Variants in EIF4E3 observed in about 807,000 individuals in gnomAD.
EIF4E3 encodes eukaryotic translation initiation factor 4E type 3.
A neutral mutation model predicts 31.7 loss-of-function variants in EIF4E3; 26 were observed. That is an observed-to-expected ratio of 0.82 (90% CI 0.60 to 1.14). The LOEUF (loss-of-function observed/expected upper bound fraction) is 1.14, where lower values mean the gene tolerates loss of function less well. Ranked by LOEUF, EIF4E3 falls within the 50% of genes most tolerant of loss-of-function variation. The pLI, the probability that EIF4E3 is intolerant of heterozygous loss-of-function variation, is 0.00. For synonymous variants in EIF4E3, 128 were observed against 107.7 expected (o/e 1.19, Z -1.17); for missense variants, 304 against 270.9 (o/e 1.12, Z -0.86).
chr3:71,749,072 T>A (rs1371342453), intron 1 of EIF4E3, among the ~76,000 whole-genome samples: 1 of 152,260 alleles, frequency 6.6e-6, no homozygotes, highest in Non-Finnish European at 1.5e-5. Flanking sequence ...CAAATATGCA[T>A]AAGTGTAGTT....
downstream of EIF4E3, among the ~76,000 whole-genome samples, chr3:71,673,521 C>G (rs898570624): frequency 2.0e-5 from 3 of 151,986 alleles, no homozygotes; most frequent in Non-Finnish European, 4.4e-5. Flanking sequence ...AAAAAACACT[C>G]AGCTTTAGAA....
chr3:71,708,141 G>A (rs150690534), intron 2 of EIF4E3, among the ~76,000 whole-genome samples: 226 of 152,156 alleles, frequency 1.5e-3, no homozygotes, highest in African/African-American at 4.8e-3. Flanking sequence ...CCCAAAGTGC[G>A]GGGATTACAG....
chr3:71,742,224 G>C (rs1035459149), intron 1 of EIF4E3, among the ~76,000 whole-genome samples: 2 of 152,078 alleles, frequency 1.3e-5, no homozygotes, highest in Non-Finnish European at 2.9e-5. Flanking sequence ...CTGGTTATTT[G>C]AGACTGAAAA....
chr3:71,710,101 C>G, intron 2 of EIF4E3, among the ~76,000 whole-genome samples: 1 of 152,172 alleles, frequency 6.6e-6, no homozygotes. Flanking sequence ...AACAGGAACA[C>G]AGATAAAGAT....
Position 71,677,309 on chromosome 3 carries a change from C to T in EIF4E3, c.*7373G>A, listed in dbSNP as rs1183216188. 6.6e-6 allele frequency: 1 copy of T among 152,126 alleles called. No homozygotes were observed. The highest frequency in any genetic ancestry group is 2.1e-4 in the South Asian group (1 of 4,818). The allele number at this position is 152,126 out of a possible 1,614,324, so 9.4% of individuals were successfully genotyped here. On this transcript the variant is annotated 3_prime_UTR_variant, in exon 7 of 7. Transcript: ENST00000425534. ...TTTCTTCATGTAACAAAAGAACCAT[C>T]GTCTTGTAGGATTCCAGAGATTTTT...
At chr3:71,730,625 G>A (rs1201766677) in intron 1 of EIF4E3, among the ~76,000 whole-genome samples, 1 of 152,176 alleles carries the variant, frequency 6.6e-6, no homozygotes, top group Non-Finnish European at 1.5e-5. Context: ...AGGTTTGGTT[G>A]TCCCACTCTC....
At chr3:71,674,490 G>A (rs776939954), downstream of EIF4E3, among the ~76,000 whole-genome samples, 4 of 152,120 alleles carry the variant, frequency 2.6e-5, no homozygotes, top group Non-Finnish European at 5.9e-5. Context: ...GTTGGTTTGT[G>A]GCAAATCAAC....
intron 1 of EIF4E3, among the ~76,000 whole-genome samples, chr3:71,711,296 T>C (rs1234741005): frequency 2.0e-5 from 3 of 152,218 alleles, no homozygotes; most frequent in Non-Finnish European, 2.9e-5. Context: ...CTCAAAAATG[T>C]TGGGGTACAA....
chr3:71,688,412 A>G (rs982226876), intron 6 of EIF4E3, among the ~76,000 whole-genome samples: 3 of 152,220 alleles, frequency 2.0e-5, no homozygotes, highest in African/African-American at 7.2e-5. Context: ...ATTTTGCAGT[A>G]GAAGGAACCT....
In EIF4E3 at chr3:71,699,723, C is replaced by G. The variant is rs779765230; in HGVS notation, c.250-15G>C. On this transcript the variant is annotated splice_polypyrimidine_tract_variant and intron_variant, in intron 2 of 6. Transcript: ENST00000425534. ...CTCCAAAATATCTTTAAAAGAAAAA[C>G]AAACACTTTGTTTAATATACCCAGT... 47 of 1,601,810 alleles carry G rather than the reference C, an allele frequency of 2.9e-5. No homozygotes were observed. Among genetic ancestry groups the G allele is most frequent in the Non-Finnish European group, 3.4e-5 (40 of 1,171,448 alleles).
Position 71,751,652 on chromosome 3 carries a change from C to T in EIF4E3, c.-291+1811G>A, listed in dbSNP as rs1054220658. The stretch of plus-strand genomic sequence containing the variant: ...TTTCCTACCCTCCCTTGCTCAAGTG[C>T]TCACTCTCAATTGATAGCCAATGAT... On this transcript the variant is annotated intron_variant, in intron 1 of 7. Transcript: ENST00000295612. Among the ~76,000 whole-genome samples the T allele has an allele frequency of 2.0e-5, 3 of 152,320 alleles. No individual in the cohort carries two copies. The South Asian group carries it at 6.2e-4, about 32-fold the overall frequency.
At chr3:71,694,665 C>T (rs530428343) in intron 4 of EIF4E3, among the ~76,000 whole-genome samples, 2 of 152,302 alleles carry the variant, frequency 1.3e-5, no homozygotes, top group Non-Finnish European at 2.9e-5. Context: ...ATTTATCCTC[C>T]TTCCTGTGAT....
At chr3:71,674,884 G>C (rs764096445), downstream of EIF4E3, among the ~76,000 whole-genome samples, 1 of 152,194 alleles carries the variant, frequency 6.6e-6, no homozygotes, top group Non-Finnish European at 1.5e-5. Flanking sequence ...CAGATATGTT[G>C]AGGGACTTGC....
chr3:71,741,851 T>C (rs1030639718), intron 1 of EIF4E3, among the ~76,000 whole-genome samples: 1 of 152,150 alleles, frequency 6.6e-6, no homozygotes, highest in African/African-American at 2.4e-5. Context: ...TAGAAATCAA[T>C]AATAGCAAGA....
intron 6 of EIF4E3, among the ~76,000 whole-genome samples, chr3:71,685,662 C>T (rs892015842): frequency 5.9e-5 from 9 of 152,122 alleles, no homozygotes; most frequent in Admixed American, 3.3e-4. Flanking sequence ...CAGGCCCAGC[C>T]GGAACTCAGG....
chr3:71,713,189 C>T (rs1419598650), intron 1 of EIF4E3, among the ~76,000 whole-genome samples: 3 of 152,192 alleles, frequency 2.0e-5, no homozygotes, highest in African/African-American at 7.2e-5. Flanking sequence ...ATTTATGCAG[C>T]TGTCAATATT....
intron 1 of EIF4E3, among the ~76,000 whole-genome samples, chr3:71,721,169 A>G (rs530499282): frequency 2.0e-5 from 3 of 152,346 alleles, no homozygotes; most frequent in Non-Finnish European, 1.5e-5. Flanking sequence ...GCAAATGATT[A>G]GCAGAGTAAT....
chr3:71,677,408 A>T lies in EIF4E3; in HGVS notation c.*7274T>A, dbSNP rs2048882373. The T allele has an allele frequency of 6.6e-6, 1 of 152,216 alleles. No individual in the cohort carries two copies. The highest frequency in any genetic ancestry group is 2.4e-5 in the African/African-American group (1 of 41,452). The allele number at this position is 152,216 out of a possible 1,614,324, so 9.4% of individuals were successfully genotyped here. A position where few individuals can be genotyped will look rare whatever the true frequency, so the allele number is the denominator to read the frequency against. Reference sequence around the variant, plus strand: ...ACTGCAGCGAAAGGATCACTGAGGAAGAAAAGGCATGCATGGTCTTGGCTT... The same window carrying T: ...ACTGCAGCGAAAGGATCACTGAGGATGAAAAGGCATGCATGGTCTTGGCTT... On this transcript the variant is annotated 3_prime_UTR_variant, in exon 7 of 7. Transcript: ENST00000425534.
downstream of EIF4E3, among the ~76,000 whole-genome samples, chr3:71,670,993 G>A (rs1392503557): frequency 6.6e-6 from 1 of 152,066 alleles, no homozygotes; most frequent in Admixed American, 6.5e-5. Context: ...CGGAGAATGG[G>A]TTTCCTAAGA....
Sources: allele counts gnomAD v4.1 joint callset (sites outside exome capture counted in the v4.1 genomes callset), GRCh38; gene constraint gnomAD v4.1.1; transcripts MANE v1.5; gene names NCBI Gene and HGNC (gene_info 2026-07-23, HGNC 2026-07-21).